Variants in GATA4 observed in about 807,000 individuals in gnomAD.
GATA4 encodes GATA binding protein 4.
A neutral mutation model predicts 37.9 loss-of-function variants in GATA4; 7 were observed. The observed-to-expected ratio is 0.18, with a 90% CI of 0.11 to 0.35. The LOEUF is 0.35. Among genes scored for constraint, GATA4 ranks in the 10% least tolerant of loss-of-function variants. GATA4 has a pLI of 1.00. For missense variants in GATA4, 647 were observed against 653.0 expected, an observed-to-expected ratio of 0.99 and a Z score of 0.10; for synonymous variants, 372 against 292.6, an observed-to-expected ratio of 1.27 and a Z score of -2.77.
At chr8:11,726,724 G>C (rs1442491410) in intron 2 of GATA4, among the ~76,000 whole-genome samples, 4 of 152,274 alleles carry the variant, frequency 2.6e-5, no homozygotes, top group African/African-American at 9.6e-5. Flanking sequence ...AGATGAGGAA[G>C]TGGATAGGCG....
At chr8:11,683,175 T>C in intron 1 of GATA4, 1 of 944,662 alleles carries the variant, frequency 1.1e-6, no homozygotes, top group South Asian at 4.9e-5. Flanking sequence ...CTATCTAATC[T>C]GGACAGCAGC....
intron 3 of GATA4, 109 bp from the exon 4 acceptor site, chr8:11,750,001 GC>G (rs1317234925): frequency 2.0e-6 from 3 of 1,507,372 alleles, no homozygotes; most frequent in Admixed American, 1.7e-5. Flanking sequence ...GGTCGTTAGG[GC>G]CCAGCCCTGC....
At chr8:11,697,866 G>T in intron 1 of GATA4, 2 of 985,488 alleles carry the variant, frequency 2.0e-6, no homozygotes, top group Non-Finnish European at 2.4e-6. Context: ...CGGCCTTTGC[G>T]GAAACGGGCC....
At chr8:11,685,136 A>G (rs1466016728) in intron 1 of GATA4, among the ~76,000 whole-genome samples, 1 of 152,240 alleles carries the variant, frequency 6.6e-6, no homozygotes, top group Non-Finnish European at 1.5e-5. Context: ...ACTCTAAACA[A>G]TAAGAGTTTA....
At position 11,680,631 on chromosome 8, in the gene GATA4, G is replaced by A. The variant is rs541724442; in HGVS notation, c.-274+3568G>A. On this transcript the variant is annotated intron_variant, in intron 1 of 6. Coordinates refer to the GATA4 transcript ENST00000528712. Reference sequence around the variant, plus strand: ...GGTCGGTGGCGTGACCTCTTGCCACGCCTGGCGCTGCTGGGAACGTGTCTC... The same window carrying A: ...GGTCGGTGGCGTGACCTCTTGCCACACCTGGCGCTGCTGGGAACGTGTCTC... The A allele has an allele frequency of 1.4e-5, 14 of 985,314 alleles. No individual in the cohort carries two copies. The African/African-American group carries it at 1.9e-4, about 14-fold the overall frequency. The allele number at this position is 985,314 out of a possible 1,614,324, so 61.0% of individuals were successfully genotyped here. A position where few individuals can be genotyped will look rare whatever the true frequency, so the allele number is the denominator to read the frequency against.
In GATA4 at chr8:11,680,446, G is replaced by A. The variant is rs945603885; in HGVS notation, c.-274+3383G>A. 3 of 983,400 alleles carry A rather than the reference G, an allele frequency of 3.1e-6. No individual in the cohort carries two copies. In the African/African-American group the frequency reaches 5.2e-5, roughly 17 times the overall value. The allele number at this position is 983,400 out of a possible 1,614,324, so 60.9% of individuals were successfully genotyped here. The stretch of plus-strand genomic sequence containing the variant: ...AGGAGCTCCCTCTCATCGCCTCTCC[G>A]TTCCTGGCAAGGCCGAAGCCGGTTT... On this transcript the variant is annotated intron_variant, in intron 1 of 6. Coordinates refer to the GATA4 transcript ENST00000528712.
At chr8:11,753,248 C>A (rs991579465) in intron 4 of GATA4, among the ~76,000 whole-genome samples, 5 of 152,060 alleles carry the variant, frequency 3.3e-5, no homozygotes, top group Non-Finnish European at 7.3e-5. Flanking sequence ...AATTCTGGCC[C>A]CTGACACCAC....
intron 1 of GATA4, chr8:11,697,561 A>G (rs1326925879): frequency 1.0e-6 from 1 of 985,240 alleles, no homozygotes; most frequent in African/African-American, 1.7e-5. Context: ...CTCCACCGCC[A>G]GGGAAGCCTG....
rs773679619 is a variant in GATA4, at chr8:11,758,468, C to G, written c.1325C>G (p.Thr442Ser). 2 of 1,614,200 alleles carry G rather than the reference C, an allele frequency of 1.2e-6. No homozygotes were observed. The highest frequency in any genetic ancestry group is 2.2e-5 in the South Asian group (2 of 91,084). Reference sequence around the variant, plus strand: ...GCCGACAGTCACGGGGACATAATCACTGCGTAATCTTCCCTCTTCCCTCCT... The same window carrying G: ...GCCGACAGTCACGGGGACATAATCAGTGCGTAATCTTCCCTCTTCCCTCCT... ...VLADSHGDII[T>S]A Residue 442 changes from threonine (T) to serine (S), a missense_variant, in exon 7 of 7, where the codon ACT becomes AGT. Physicochemically the swap from Thr to Ser is moderately conservative, Grantham distance 58. Transcript: ENST00000532059.
chr8:11,747,048 C>G (rs1424896099), intron 2 of GATA4, among the ~76,000 whole-genome samples: 1 of 152,212 alleles, frequency 6.6e-6, no homozygotes, highest in Admixed American at 6.5e-5. Flanking sequence ...GCAACCTCAA[C>G]CCACTCCCGA....
chr8:11,697,887 A>G (rs894305600), intron 1 of GATA4: 5 of 985,350 alleles, frequency 5.1e-6, no homozygotes, highest in Non-Finnish European at 6.0e-6. Flanking sequence ...GAGCTGGCTC[A>G]GGGAATGCCA....
chr8:11,681,507 G>GTA, intron 1 of GATA4: 2 of 944,330 alleles, frequency 2.1e-6, no homozygotes, highest in South Asian at 1.0e-4. Context: ...GGGGGGGGGG[G>GTA]GATGGGGTCG....
At chr8:11,725,401 G>T (rs1800870659) in intron 2 of GATA4, among the ~76,000 whole-genome samples, 1 of 152,256 alleles carries the variant, frequency 6.6e-6, no homozygotes, top group Admixed American at 6.5e-5. Context: ...CGCAAGGGCT[G>T]GGGAATCTGA....
chr8:11,730,873 C>A (rs986413778), intron 2 of GATA4, among the ~76,000 whole-genome samples: 1 of 152,224 alleles, frequency 6.6e-6, no homozygotes, highest in Admixed American at 6.5e-5. Context: ...ACTTCCCCGG[C>A]CAGTGCCCTC....
intron 2 of GATA4, among the ~76,000 whole-genome samples, chr8:11,725,001 G>A (rs1428157285): frequency 6.6e-6 from 1 of 152,354 alleles, no homozygotes; most frequent in Non-Finnish European, 1.5e-5. Context: ...CACGGGCTGG[G>A]GGTGGGTCAT....
chr8:11,730,156 C>T (rs1341183241), intron 2 of GATA4, among the ~76,000 whole-genome samples: 1 of 152,198 alleles, frequency 6.6e-6, no homozygotes, highest in African/African-American at 2.4e-5. Context: ...TCAAGTGATA[C>T]TCCTGCCTCA....
At chr8:11,753,057 A>G (rs1802378529) in intron 4 of GATA4, among the ~76,000 whole-genome samples, 1 of 152,232 alleles carries the variant, frequency 6.6e-6, no homozygotes, top group African/African-American at 2.4e-5. Context: ...ATTTCTGGAT[A>G]TATACCCAAA....
rs1201627621 is a variant in GATA4 at position 11,749,364 on chromosome 8, A to G, written c.786+279A>G. 6.6e-6 allele frequency among the ~76,000 whole-genome samples: 1 copy of G among 152,170 alleles called. No individual in the cohort carries two copies. The highest frequency in any genetic ancestry group is 1.5e-5 in the Non-Finnish European group (1 of 68,024). ...CACTCAGGTACTGAGTCTCCCATCT[A>G]GAACTCTGGAACCAGAATCCAGGTT... On this transcript the variant is annotated intron_variant, in intron 3 of 6. Transcript: ENST00000532059. The surrounding 1 kb of genome is among the most constrained non-coding windows in gnomAD (Gnocchi z 4.6).
intron 6 of GATA4, 44 bp from the exon 7 acceptor site, chr8:11,758,249 A>C (rs192197293): frequency 1.9e-6 from 3 of 1,608,722 alleles, no homozygotes; most frequent in South Asian, 2.2e-5. Context: ...CCAAGCCCTC[A>C]GGAGCGTCTC....
Sources: gnomAD v4.1 joint callset for allele counts (sites outside exome capture counted in the v4.1 genomes callset) on GRCh38, gnomAD v4.1.1 for gene constraint, Gnocchi (gnomAD v3.1) non-coding constraint, MANE v1.5 for transcripts, NCBI Gene and HGNC (gene_info 2026-07-23, HGNC 2026-07-21) for gene names.